The following SLC30A5 variants were observed in gnomAD, a reference collection of about 807,000 sequenced individuals.
The protein encoded by SLC30A5 is solute carrier family 30 member 5, also known as proton-coupled zinc antiporter SLC30A5.
In SLC30A5, 33 loss-of-function variants were observed where a neutral mutation model predicts 79.6. That is an observed-to-expected ratio of 0.41 (90% CI 0.31 to 0.55). The LOEUF is 0.55. SLC30A5 is among the 20% of genes least tolerant of loss of function. The pLI, the probability that SLC30A5 is intolerant of heterozygous loss-of-function variation, is 0.20. For missense variants in SLC30A5, 788 were observed against 928.1 expected (o/e 0.85, Z 1.96); for synonymous variants, 299 against 319.7 (o/e 0.94, Z 0.69).
In SLC30A5 at chr5:69,097,318, T is replaced by C. The variant is rs570713963; in HGVS notation, c.83+2980T>C. On this transcript the variant is annotated intron_variant, in intron 1 of 15. Transcript: ENST00000396591. The stretch of plus-strand genomic sequence containing the variant: ...TTTTAGTAGAGACGGGGTTTCACCG[T>C]GTTAGCCAGGATGGTCTCGATCTCC... 4.1e-3 allele frequency among the ~76,000 whole-genome samples: 629 copies of C among 152,228 alleles called. 2 individuals carry two copies. Among genetic ancestry groups the C allele is most frequent in the Admixed American group, 0.01 (158 of 15,284 alleles).
chr5:69,105,418 A>G (rs1746054740), intron 4 of SLC30A5, among the ~76,000 whole-genome samples: 1 of 152,168 alleles, frequency 6.6e-6, no homozygotes, highest in Admixed American at 6.5e-5. Context: ...TGAAATGAAG[A>G]ATGTTCTTGG....
At chr5:69,098,317 A>C (rs533491408) in intron 1 of SLC30A5, among the ~76,000 whole-genome samples, 47 of 152,270 alleles carry the variant, frequency 3.1e-4, no homozygotes, top group Non-Finnish European at 2.9e-4. Flanking sequence ...TGAGGTCAGA[A>C]GTATGAGACC....
chr5:69,121,877 A>G lies in SLC30A5; in HGVS notation c.1753A>G (p.Met585Val), dbSNP rs149465864. 210 of 1,613,576 alleles carry G rather than the reference A, an allele frequency of 1.3e-4. 1 individual carries two copies. Among genetic ancestry groups the G allele is most frequent in the Non-Finnish European group, 1.7e-4 (204 of 1,179,810 alleles). The change falls in exon 13 of 16, where the codon ATG (methionine) becomes GTG (valine). Residue 585 changes from methionine to valine, a missense_variant. Met to Val is a conservative substitution (Grantham distance 21, BLOSUM62 1). Transcript: ENST00000396591. The part of the protein sequence containing the change: ...GHSHGSAGGG[M>V]NANMRGVFLH... ...CAGCCACGGATCTGCGGGTGGAGGC[A>G]TGAATGCTAACATGAGGGGTGAGTC...
intron 5 of SLC30A5, 42 bp downstream of exon 5, chr5:69,108,478 G>A (rs1001568813): frequency 7.6e-7 from 1 of 1,316,620 alleles, no homozygotes; most frequent in Non-Finnish European, 1.1e-6. Context: ...TGGAAAGTAT[G>A]TATGTCACAT....
In SLC30A5 at chr5:69,130,364, A is replaced by G. The variant is rs913411077; in HGVS notation, c.*747A>G. On this transcript the variant is annotated 3_prime_UTR_variant, in exon 16 of 16. Coordinates refer to ENST00000396591, the MANE Select transcript of SLC30A5 (RefSeq NM_022902.5). ...TTACCATGTTCCTTTAAAGTAGAAT[A>G]TTTCCTTTCTTGTTATATATTTGAC... 2 of 152,114 alleles carry G rather than the reference A, an allele frequency of 1.3e-5. No individual in the cohort carries two copies. Among genetic ancestry groups the G allele is most frequent in the Non-Finnish European group, 2.9e-5 (2 of 68,018 alleles). The allele number at this position is 152,114 out of a possible 1,614,324, so 9.4% of individuals were successfully genotyped here.
At chr5:69,101,008 C>T (rs1745901001) in intron 2 of SLC30A5, 79 bp downstream of exon 2, 1 of 1,348,782 alleles carries the variant, frequency 7.4e-7, no homozygotes, top group African/African-American at 1.5e-5. Context: ...CTTTAAGAAA[C>T]TTTACATACA....
chr5:69,097,350 C>T (rs1471698495), intron 1 of SLC30A5, among the ~76,000 whole-genome samples: 1 of 152,086 alleles, frequency 6.6e-6, no homozygotes, highest in Non-Finnish European at 1.5e-5. Flanking sequence ...CTCCTGACCT[C>T]GTGATCCGCC....
At chr5:69,101,897 C>T in intron 2 of SLC30A5, among the ~76,000 whole-genome samples, 1 of 150,022 alleles carries the variant, frequency 6.7e-6, no homozygotes, top group Non-Finnish European at 1.5e-5. Flanking sequence ...GCAGCGGTTG[C>T]AGTGAGCTGA....
Position 69,129,729 on chromosome 5 carries a change from C to A in SLC30A5, c.*112C>A. On this transcript the variant is annotated 3_prime_UTR_variant, in exon 16 of 16. Transcript: ENST00000396591. Reference sequence around the variant, plus strand: ...ACATTAACTGTACAGAAACAGAGTTCCCTACTACTGGATCAAGGAATCTTT... The same window carrying A: ...ACATTAACTGTACAGAAACAGAGTTACCTACTACTGGATCAAGGAATCTTT... The A allele has an allele frequency of 2.3e-6, 2 of 878,608 alleles. No individual in the cohort carries two copies. The highest frequency in any genetic ancestry group is 3.3e-6 in the Non-Finnish European group (2 of 606,166). 54.4% of individuals were successfully genotyped at this position (878,608 alleles called of 1,614,324 possible). A position where few individuals can be genotyped will look rare whatever the true frequency, so the allele number is the denominator to read the frequency against.
chr5:69,110,104 T>C (rs1242309631), intron 5 of SLC30A5, among the ~76,000 whole-genome samples: 1 of 152,208 alleles, frequency 6.6e-6, no homozygotes, highest in Non-Finnish European at 1.5e-5. Flanking sequence ...GTAAACGAGC[T>C]ATTTAGATAA....
chr5:69,098,724 G>A (rs780698768), intron 1 of SLC30A5, among the ~76,000 whole-genome samples: 70 of 152,196 alleles, frequency 4.6e-4, no homozygotes, highest in Admixed American at 1.5e-3. Context: ...ACTTTTCTAC[G>A]ACTCAGTTTT....
chr5:69,113,223 A>C lies in SLC30A5; in HGVS notation c.531A>C (p.Glu177Asp), dbSNP rs1326912435. 1.2e-6 allele frequency: 2 copies of C among 1,612,406 alleles called. No individual in the cohort carries two copies. The highest frequency in any genetic ancestry group is 1.7e-6 in the Non-Finnish European group (2 of 1,178,898). ...ATGATCTCATGGCTAAAATGGCTGA[A>C]CACCGTATCCTTTTGGAATAGATCA... Reference protein sequence around the residue: ...DNDDLMAKMAEHPEGHHDSAL... With the variant: ...DNDDLMAKMADHPEGHHDSAL... Residue 177 changes from glutamate to aspartate, a missense_variant, in exon 6 of 16, where the codon GAA (glutamate) becomes GAC (aspartate). Physicochemically the swap from Glu to Asp is conservative, Grantham distance 45. Around this residue, in one of 3 missense-constraint regions of SLC30A5, gnomAD observed 626 missense variants for 755.5 expected, o/e 0.83. Transcript: ENST00000396591.
Position 69,116,720 on chromosome 5 carries a change from ATT to A in SLC30A5, c.1281+123_1281+124del. ...GATAATAAGATGAGCTAAAATTTAA[ATT>A]TTTTCTAAGTATAATAGCAAGATTA... On this transcript the variant is annotated intron_variant, in intron 10 of 15. Coordinates refer to ENST00000396591, the MANE Select transcript of SLC30A5 (RefSeq NM_022902.5). The surrounding 1 kb of genome is among the most constrained non-coding windows in gnomAD (Gnocchi z 4.0). The A allele has an allele frequency of 1.5e-6, 1 of 653,800 alleles. No homozygotes were observed. Among genetic ancestry groups the A allele is most frequent in the Non-Finnish European group, 2.3e-6 (1 of 425,546 alleles). The allele number at this position is 653,800 out of a possible 1,614,324, so 40.5% of individuals were successfully genotyped here. A position where few individuals can be genotyped will look rare whatever the true frequency, so the allele number is the denominator to read the frequency against.
chr5:69,104,750 G>A, intron 4 of SLC30A5, 34 bp downstream of exon 4: 1 of 1,582,304 alleles, frequency 6.3e-7, no homozygotes, highest in Non-Finnish European at 8.6e-7. Flanking sequence ...ATGTGTGTTT[G>A]TATTTCTTCA....
chr5:69,130,999 A>G lies in SLC30A5; in HGVS notation c.*1382A>G, dbSNP rs1005143706. On this transcript the variant is annotated 3_prime_UTR_variant, in exon 16 of 16. Coordinates refer to ENST00000396591, the MANE Select transcript of SLC30A5 (RefSeq NM_022902.5). ...GAAATTTGTTGTAAGTTATTTTTAT[A>G]TTCCTTGTCTTTTGCATATTTTTTG... 8.5e-5 allele frequency: 13 copies of G among 152,122 alleles called. No individual in the cohort carries two copies. Among genetic ancestry groups the G allele is most frequent in the Non-Finnish European group, 1.5e-4 (10 of 68,022 alleles). 9.4% of individuals were successfully genotyped at this position (152,122 alleles called of 1,614,324 possible).
At chr5:69,124,597 G>C (rs1439983490) in intron 14 of SLC30A5, among the ~76,000 whole-genome samples, 1 of 152,026 alleles carries the variant, frequency 6.6e-6, no homozygotes, top group African/African-American at 2.4e-5. Context: ...TTTGTTTTTT[G>C]AGACAGTCTT....
At chr5:69,113,046 T>C in intron 5 of SLC30A5, 94 bp from the exon 6 acceptor site, 2 of 989,350 alleles carry the variant, frequency 2.0e-6, no homozygotes, top group South Asian at 3.1e-5. Context: ...AATGCTTACT[T>C]GAGAAAATGT....
chr5:69,109,430 CGT>C (rs371319357), intron 5 of SLC30A5, among the ~76,000 whole-genome samples: 1 of 150,920 alleles, frequency 6.6e-6, no homozygotes, highest in East Asian at 1.9e-4. Context: ...TACATACGAT[CGT>C]GTGTGTGTGT....
intron 6 of SLC30A5, among the ~76,000 whole-genome samples, chr5:69,113,938 C>T (rs963064873): frequency 1.3e-5 from 2 of 152,124 alleles, no homozygotes; most frequent in East Asian, 1.9e-4. Context: ...CTCTATTCCC[C>T]ACCCTCTTTT....
Sources: gnomAD v4.1 joint callset for allele counts (sites outside exome capture counted in the v4.1 genomes callset) on GRCh38, gnomAD v4.1.1 for gene constraint, gnomAD v4.1.1 regional missense constraint, Gnocchi (gnomAD v3.1) non-coding constraint, MANE v1.5 for transcripts, NCBI Gene and HGNC (gene_info 2026-07-23, HGNC 2026-07-21) for gene names.